Variants in COMMD10 observed in about 807,000 individuals in gnomAD.
COMMD10 encodes COMM domain containing 10, also known as COMM domain-containing protein 10.
In COMMD10, 33 loss-of-function variants were observed where a neutral mutation model predicts 28.9. The observed-to-expected ratio is 1.14, with a 90% CI of 0.87 to 1.53. The LOEUF (loss-of-function observed/expected upper bound fraction) is 1.53, where lower values mean the gene tolerates loss of function less well. Ranked by LOEUF, COMMD10 falls within the 40% of genes most tolerant of loss-of-function variation. The pLI, the probability that COMMD10 is intolerant of heterozygous loss-of-function variation, is 0.00. For missense variants in COMMD10, 310 were observed against 233.4 expected, an observed-to-expected ratio of 1.33 and a Z score of -2.14; for synonymous variants, 110 against 81.7, an observed-to-expected ratio of 1.35 and a Z score of -1.87.
At chr5:116,157,794 C>G (rs1351190790) in intron 5 of COMMD10, among the ~76,000 whole-genome samples, 2 of 152,236 alleles carry the variant, frequency 1.3e-5, no homozygotes, top group African/African-American at 4.8e-5. Flanking sequence ...ATACTCCCAC[C>G]AGCAGTGTAT....
chr5:116,232,561 C>T (rs538588813), intron 5 of COMMD10, among the ~76,000 whole-genome samples: 5 of 151,988 alleles, frequency 3.3e-5, no homozygotes, highest in African/African-American at 7.2e-5. Flanking sequence ...ATTAGCTGGA[C>T]GTGGTAGCGG....
At chr5:116,227,447 C>T (rs1471148260) in intron 5 of COMMD10, among the ~76,000 whole-genome samples, 1 of 151,966 alleles carries the variant, frequency 6.6e-6, no homozygotes, top group Non-Finnish European at 1.5e-5. Flanking sequence ...ATCCCATTTT[C>T]TCTACATCTT....
At chr5:116,115,215 C>T (rs1751191934) in intron 4 of COMMD10, among the ~76,000 whole-genome samples, 1 of 152,080 alleles carries the variant, frequency 6.6e-6, no homozygotes, top group Non-Finnish European at 1.5e-5. Flanking sequence ...AAGTCAAATT[C>T]AAGGTTTGGG....
chr5:116,132,248 C>A (rs781697021), intron 4 of COMMD10, among the ~76,000 whole-genome samples: 11 of 151,962 alleles, frequency 7.2e-5, no homozygotes, highest in Non-Finnish European at 1.6e-4. Flanking sequence ...TTATAGTTTC[C>A]AAAATCCTTT....
chr5:116,101,144 C>A (rs1750645235), intron 4 of COMMD10, among the ~76,000 whole-genome samples: 1 of 152,122 alleles, frequency 6.6e-6, no homozygotes, highest in African/African-American at 2.4e-5. Context: ...ATCCAGTCAT[C>A]CAATGATGGA....
At chr5:116,118,868 A>G (rs1292071893) in intron 4 of COMMD10, among the ~76,000 whole-genome samples, 2 of 152,226 alleles carry the variant, frequency 1.3e-5, no homozygotes, top group Non-Finnish European at 2.9e-5. Context: ...TCCACTGCAT[A>G]AGTAATTGGC....
chr5:116,112,221 TA>T (rs1359612915), intron 4 of COMMD10, among the ~76,000 whole-genome samples: 2 of 152,200 alleles, frequency 1.3e-5, no homozygotes, highest in African/African-American at 4.8e-5. Flanking sequence ...ATGACTTCAT[TA>T]TTTTTTACTA....
At chr5:116,140,933 A>C (rs1307321579) in intron 5 of COMMD10, among the ~76,000 whole-genome samples, 1 of 151,620 alleles carries the variant, frequency 6.6e-6, no homozygotes, top group East Asian at 1.9e-4. Context: ...TTTTAGTTTG[A>C]TGTAGTTCTA....
intron 5 of COMMD10, among the ~76,000 whole-genome samples, chr5:116,289,761 C>A (rs1219550322): frequency 1.3e-5 from 2 of 151,770 alleles, no homozygotes; most frequent in Non-Finnish European, 2.9e-5. Flanking sequence ...TCATTTCCTA[C>A]CACTTTCATT....
At chr5:116,153,572 T>C (rs1364956300) in intron 5 of COMMD10, among the ~76,000 whole-genome samples, 1 of 152,054 alleles carries the variant, frequency 6.6e-6, no homozygotes, top group African/African-American at 2.4e-5. Flanking sequence ...ATGTGCCAGG[T>C]ATTGTTCTGT....
intron 5 of COMMD10, among the ~76,000 whole-genome samples, chr5:116,244,673 A>G (rs560358392): frequency 1.3e-5 from 2 of 151,106 alleles, no homozygotes; most frequent in Admixed American, 1.3e-4. Flanking sequence ...AAAAAAAAAA[A>G]AAAAAGAAAA....
chr5:116,161,194 G>T (rs183238898), intron 5 of COMMD10, among the ~76,000 whole-genome samples: 1 of 152,198 alleles, frequency 6.6e-6, no homozygotes, highest in African/African-American at 2.4e-5. Flanking sequence ...AGGATCATGG[G>T]CTTTGGATTC....
At chr5:116,280,444 C>G (rs1299162195) in intron 5 of COMMD10, among the ~76,000 whole-genome samples, 1 of 151,776 alleles carries the variant, frequency 6.6e-6, no homozygotes, top group Admixed American at 6.6e-5. Context: ...GAATCCTATT[C>G]TCCCTCGTTG....
At chr5:116,197,926 C>A (rs1748571144) in intron 5 of COMMD10, among the ~76,000 whole-genome samples, 1 of 152,064 alleles carries the variant, frequency 6.6e-6, no homozygotes, top group Non-Finnish European at 1.5e-5. Context: ...CAGTTTAGCC[C>A]AGAACTATGG....
At chr5:116,129,946 C>T (rs1377889112) in intron 4 of COMMD10, among the ~76,000 whole-genome samples, 1 of 150,840 alleles carries the variant, frequency 6.6e-6, no homozygotes, top group Non-Finnish European at 1.5e-5. Context: ...TGATTATTCT[C>T]TGTGAAGCTG....
intron 5 of COMMD10, among the ~76,000 whole-genome samples, chr5:116,282,667 G>A (rs1004921139): frequency 1.3e-5 from 2 of 151,880 alleles, no homozygotes. Flanking sequence ...TTCTTCTAAA[G>A]CATCTCTCCT....
intron 5 of COMMD10, among the ~76,000 whole-genome samples, chr5:116,218,771 A>T (rs77113483): frequency 0.013 from 1,997 of 152,292 alleles, 45 homozygotes; most frequent in African/African-American, 0.045. Flanking sequence ...GTAGTCGAGT[A>T]GTAAGGGCTC....
intron 2 of COMMD10, among the ~76,000 whole-genome samples, chr5:116,088,795 ATTCTCACC>A (rs1224223530): frequency 6.6e-6 from 1 of 152,120 alleles, no homozygotes; most frequent in Non-Finnish European, 1.5e-5. Context: ...CTCCTAGTTC[ATTCTCACC>A]TGATTTTAGT....
At chr5:116,137,965 GT>G (rs1204366326) in intron 5 of COMMD10, among the ~76,000 whole-genome samples, 2 of 151,814 alleles carry the variant, frequency 1.3e-5, no homozygotes, top group South Asian at 2.1e-4. Context: ...CTGACTTAAA[GT>G]TTTTTTCGTT....
Sources: allele counts gnomAD v4.1 joint callset (sites outside exome capture counted in the v4.1 genomes callset), GRCh38; gene constraint gnomAD v4.1.1; transcripts MANE v1.5; gene names NCBI Gene and HGNC (gene_info 2026-07-23, HGNC 2026-07-21).